Variants in RBM19 observed in about 807,000 individuals in gnomAD.
The protein encoded by RBM19 is RNA binding motif protein 19.
In RBM19, 94 loss-of-function variants were observed where a neutral mutation model predicts 116.8. That is an observed-to-expected ratio of 0.80 (90% CI 0.68 to 0.95). RBM19 has a LOEUF of 0.95. Ranked by LOEUF, RBM19 falls within the 40% of genes least tolerant of loss-of-function variation. The probability of loss-of-function intolerance (pLI) is 0.00; values close to 1 mark genes in which losing one functional copy is unlikely to be tolerated. For synonymous variants in RBM19, 475 were observed against 494.1 expected (o/e 0.96, Z 0.51); for missense variants, 1,161 against 1,220.7 (o/e 0.95, Z 0.73).
intron 21 of RBM19, among the ~76,000 whole-genome samples, chr12:113,897,250 C>A (rs549049040): frequency 6.6e-6 from 1 of 152,338 alleles, no homozygotes; most frequent in African/African-American, 2.4e-5. Flanking sequence ...CTCACTGCAA[C>A]CTTTGCTTCC....
chr12:113,821,920 C>A (rs3782422), downstream of RBM19: 57,543 of 151,870 alleles, frequency 0.38, 11,331 homozygotes, highest in Middle Eastern at 0.56. Context: ...TGGGCCACTC[C>A]GAAAACTGGA....
chr12:113,837,657 C>A (rs986050565), intron 23 of RBM19, among the ~76,000 whole-genome samples: 2 of 152,170 alleles, frequency 1.3e-5, no homozygotes, highest in African/African-American at 2.4e-5. Flanking sequence ...AAGGGGCAGC[C>A]GCTCAGATCA....
Position 113,937,059 on chromosome 12 carries a change from G to C in RBM19, c.2016C>G (p.Leu672=), listed in dbSNP as rs759300895. 3 of 1,614,126 alleles carry C rather than the reference G, an allele frequency of 1.9e-6. No homozygotes were observed. The highest frequency in any genetic ancestry group is 2.2e-5 in the East Asian group (1 of 44,878). The change falls in exon 16 of 24, where the codon CTC becomes CTG. Residue 672 remains leucine, a synonymous_variant. Transcript: ENST00000261741. ...FSSTAPQKKK[L]QDTPSEPMEK... ...CCATGGGTTCTGAAGGTGTGTCTTG[G>C]AGCTTTTTCTTCTGTGGGGCTGTGC...
chr12:113,964,140 T>C (rs1051682824), intron 1 of RBM19, among the ~76,000 whole-genome samples: 1 of 152,246 alleles, frequency 6.6e-6, no homozygotes, highest in African/African-American at 2.4e-5. Flanking sequence ...GTGTCAGCAA[T>C]ATCACAAGTA....
At chr12:113,951,854 A>G (rs1871496126) in intron 8 of RBM19, among the ~76,000 whole-genome samples, 1 of 152,216 alleles carries the variant, frequency 6.6e-6, no homozygotes, top group African/African-American at 2.4e-5. Context: ...TCTTCTTGCC[A>G]AAGACAGAGT....
downstream of RBM19, chr12:113,817,919 A>T (rs1460803053): frequency 6.6e-6 from 1 of 152,000 alleles, no homozygotes; most frequent in Non-Finnish European, 1.5e-5. Context: ...ACATGGTGAA[A>T]CCCTGTCTAC....
At chr12:113,866,704 T>A (rs1019121040) in intron 21 of RBM19, among the ~76,000 whole-genome samples, 6 of 152,132 alleles carry the variant, frequency 3.9e-5, no homozygotes, top group Non-Finnish European at 8.8e-5. Flanking sequence ...CACCAAGCCC[T>A]CTAGGTGAGT....
chr12:113,919,427 C>A (rs913978034), intron 19 of RBM19, among the ~76,000 whole-genome samples: 1 of 152,142 alleles, frequency 6.6e-6, no homozygotes, highest in Non-Finnish European at 1.5e-5. Context: ...AAAAATTAGC[C>A]GGGCTTGGTG....
intron 16 of RBM19, among the ~76,000 whole-genome samples, chr12:113,933,452 G>C (rs931504146): frequency 7.2e-5 from 11 of 152,222 alleles, no homozygotes; most frequent in Non-Finnish European, 1.2e-4. Flanking sequence ...GATCAGCTCT[G>C]TGGGAATTCA....
At chr12:113,885,337 A>T (rs760155015) in intron 21 of RBM19, among the ~76,000 whole-genome samples, 1 of 152,242 alleles carries the variant, frequency 6.6e-6, no homozygotes, top group African/African-American at 2.4e-5. Flanking sequence ...GAACTTCTAC[A>T]AGGCAACTGG....
At chr12:113,965,688 A>T (rs1360372491) in intron 1 of RBM19, among the ~76,000 whole-genome samples, 2 of 151,888 alleles carry the variant, frequency 1.3e-5, no homozygotes, top group African/African-American at 4.8e-5. Context: ...CTGGGTCACC[A>T]CTCCCCACTT....
At chr12:113,931,178 A>C (rs1869566227) in intron 16 of RBM19, among the ~76,000 whole-genome samples, 1 of 152,188 alleles carries the variant, frequency 6.6e-6, no homozygotes, top group Non-Finnish European at 1.5e-5. Context: ...TATATTGTAT[A>C]GGATGTATTG....
intron 21 of RBM19, among the ~76,000 whole-genome samples, chr12:113,859,503 G>A (rs1465238740): frequency 6.6e-6 from 1 of 152,106 alleles, no homozygotes; most frequent in Non-Finnish European, 1.5e-5. Flanking sequence ...CTTTCATTTC[G>A]ATATCTTCTA....
At chr12:113,824,634 G>A (rs1034731946) in intron 23 of RBM19, among the ~76,000 whole-genome samples, 2 of 151,934 alleles carry the variant, frequency 1.3e-5, no homozygotes, top group Admixed American at 6.5e-5. Flanking sequence ...TCACAGCAGC[G>A]GCCTAGCCTT....
chr12:113,957,710 A>G (rs1872072326), intron 6 of RBM19, 72 bp downstream of exon 6: 4 of 1,507,246 alleles, frequency 2.7e-6, no homozygotes, highest in Non-Finnish European at 3.5e-6. Context: ...CTCCTAACAG[A>G]GGAGCTGTGG....
chr12:113,930,592 T>C (rs1308195458), intron 16 of RBM19, among the ~76,000 whole-genome samples: 1 of 152,126 alleles, frequency 6.6e-6, no homozygotes, highest in Non-Finnish European at 1.5e-5. Flanking sequence ...TCACCTGGCA[T>C]CTCCAACCTC....
At chr12:113,958,740 C>T (rs1056676799) in intron 5 of RBM19, among the ~76,000 whole-genome samples, 2 of 152,192 alleles carry the variant, frequency 1.3e-5, no homozygotes, top group African/African-American at 2.4e-5. Flanking sequence ...GCCCACCAGG[C>T]CTCCCCCACA....
chr12:113,916,946 A>G (rs771613251), intron 20 of RBM19, among the ~76,000 whole-genome samples: 38 of 152,250 alleles, frequency 2.5e-4, no homozygotes, highest in Non-Finnish European at 4.4e-4. Flanking sequence ...TTTGTGATGC[A>G]GCAATAGATA....
chr12:113,939,941 G>T lies in RBM19; in HGVS notation c.1938+19C>A. The stretch of plus-strand genomic sequence containing the variant: ...ACTGGTCCTTCTCCAGATCAATTCT[G>T]GGTCTCCAGCAGCCCTACCTTGGAA... On this transcript the variant is annotated intron_variant, in intron 15 of 23. Transcript: ENST00000261741. The T allele has an allele frequency of 6.2e-7, 1 of 1,612,012 alleles. No homozygotes were observed. Among genetic ancestry groups the T allele is most frequent in the Non-Finnish European group, 8.5e-7 (1 of 1,178,868 alleles).
Sources: allele counts gnomAD v4.1 joint callset (sites outside exome capture counted in the v4.1 genomes callset), GRCh38; gene constraint gnomAD v4.1.1; transcripts MANE v1.5; gene names NCBI Gene and HGNC (gene_info 2026-07-23, HGNC 2026-07-21).